GPATCH1: variants seen among roughly 807,000 people sequenced by gnomAD.
GPATCH1 encodes the protein G patch domain-containing protein 1.
In GPATCH1, 73 loss-of-function variants were observed where a neutral mutation model predicts 114.9. That is an observed-to-expected ratio of 0.64 (90% CI 0.53 to 0.77). GPATCH1 has a LOEUF of 0.77. Among genes scored for constraint, GPATCH1 ranks in the 30% least tolerant of loss-of-function variants. GPATCH1 has a pLI of 0.00. For missense variants in GPATCH1, 1,058 were observed against 1,144.3 expected, an observed-to-expected ratio of 0.92 and a Z score of 1.09; for synonymous variants, 391 against 428.4, an observed-to-expected ratio of 0.91 and a Z score of 1.08.
intron 17 of GPATCH1, among the ~76,000 whole-genome samples, chr19:33,124,044 G>A (rs1388461884): frequency 6.6e-6 from 1 of 151,890 alleles, no homozygotes; most frequent in African/African-American, 2.4e-5. Context: ...AATAGAGACA[G>A]GGTTTCACCG....
Position 33,114,243 on chromosome 19 carries a change from T to A in GPATCH1, c.2030-10T>A. 1 of 1,604,788 alleles carries A rather than the reference T, an allele frequency of 6.2e-7. No homozygotes were observed. Among genetic ancestry groups the A allele is most frequent in the Non-Finnish European group, 8.5e-7 (1 of 1,175,166 alleles). On this transcript the variant is annotated splice_polypyrimidine_tract_variant and intron_variant, in intron 14 of 19. Transcript: ENST00000170564. ...AATGCTGGAGTTTATATCTATGTCC[T>A]GCCTTTCAGAATCAAGAAAACCATC...
At chr19:33,095,994 C>T (rs1477649492) in intron 6 of GPATCH1, among the ~76,000 whole-genome samples, 174 bp downstream of exon 6, 1 of 152,214 alleles carries the variant, frequency 6.6e-6, no homozygotes, top group South Asian at 2.1e-4. Flanking sequence ...AACATGCCAG[C>T]ACCACAGATA....
chr19:33,129,789 C>G (rs1973082289), intron 19 of GPATCH1, among the ~76,000 whole-genome samples: 1 of 152,008 alleles, frequency 6.6e-6, no homozygotes, highest in African/African-American at 2.4e-5. Context: ...ACTAAAAATA[C>G]AAAAATTAGC....
intron 19 of GPATCH1, among the ~76,000 whole-genome samples, chr19:33,128,173 T>C (rs1218426650): frequency 1.3e-5 from 2 of 152,010 alleles, no homozygotes; most frequent in Non-Finnish European, 2.9e-5. Context: ...CTGTAAACTC[T>C]GCCTCTCCGG....
At chr19:33,099,911 C>T (rs1943896636) in intron 8 of GPATCH1, among the ~76,000 whole-genome samples, 1 of 151,718 alleles carries the variant, frequency 6.6e-6, no homozygotes, top group South Asian at 2.1e-4. Context: ...GCTGGGATTA[C>T]AGGCGCCTGC....
intron 8 of GPATCH1, 68 bp downstream of exon 8, chr19:33,097,970 G>T (rs1055237598): frequency 1.4e-6 from 2 of 1,411,128 alleles, no homozygotes; most frequent in Non-Finnish European, 2.0e-6. Flanking sequence ...GGGGCTGCAA[G>T]AGCGATACAG....
intron 17 of GPATCH1, among the ~76,000 whole-genome samples, chr19:33,122,598 C>T (rs993037921): frequency 1.3e-5 from 2 of 152,124 alleles, no homozygotes; most frequent in African/African-American, 2.4e-5. Flanking sequence ...GCTGGGATTA[C>T]AGGCGTGAGC....
chr19:33,129,978 G>A, intron 19 of GPATCH1, 152 bp from the exon 20 acceptor site: 2 of 592,388 alleles, frequency 3.4e-6, no homozygotes, highest in Non-Finnish European at 6.0e-6. Context: ...AGATTAGGCA[G>A]TACTTCATTG....
chr19:33,092,225 A>G (rs901143943), intron 3 of GPATCH1, among the ~76,000 whole-genome samples: 2 of 151,266 alleles, frequency 1.3e-5, no homozygotes, highest in South Asian at 4.2e-4. Context: ...TAATTTTTGT[A>G]TTTTTAGTAG....
chr19:33,085,064 G>A (rs1972521685), intron 1 of GPATCH1, among the ~76,000 whole-genome samples: 1 of 152,160 alleles, frequency 6.6e-6, no homozygotes, highest in African/African-American at 2.4e-5. Context: ...GGTGGCTGAT[G>A]TTGCAGACCT....
At chr19:33,111,541 A>C (rs1488055384) in intron 11 of GPATCH1, among the ~76,000 whole-genome samples, 183 bp from the exon 12 acceptor site, 2 of 152,026 alleles carry the variant, frequency 1.3e-5, no homozygotes, top group Non-Finnish European at 2.9e-5. Context: ...TTTTTTAAAA[A>C]AGCACAATTT....
At position 33,126,105 on chromosome 19, in the gene GPATCH1, G is replaced by A. The variant is rs1973037925; in HGVS notation, c.2620-483G>A. On this transcript the variant is annotated intron_variant, in intron 18 of 19. Coordinates refer to ENST00000170564, the MANE Select transcript of GPATCH1 (RefSeq NM_018025.3). ...CGGATGACGGGCGTTCCCTCCTAGT[G>A]AAAGGAAGAAAATGTGTGCCGACCA... Among the ~76,000 whole-genome samples the A allele has an allele frequency of 2.0e-5, 3 of 152,178 alleles. No homozygotes were observed. The South Asian group carries it at 6.2e-4, about 32-fold the overall frequency.
At chr19:33,096,491 G>A (rs531242275) in intron 7 of GPATCH1, 45 bp downstream of exon 7, 3 of 1,484,668 alleles carry the variant, frequency 2.0e-6, no homozygotes, top group African/African-American at 2.8e-5. Flanking sequence ...ATTGATAAAT[G>A]AGTCTACTTT....
At chr19:33,119,180 C>A in intron 17 of GPATCH1, 63 bp downstream of exon 17, 1 of 860,932 alleles carries the variant, frequency 1.2e-6, no homozygotes. Flanking sequence ...GAGATGGGGA[C>A]AGTGTGACTT....
chr19:33,113,891 C>G lies in GPATCH1; in HGVS notation c.2017C>G (p.Arg673Gly), dbSNP rs747439891. Residue 673 changes from arginine to glycine, a missense_variant, in exon 14 of 20, where the codon CGA becomes GGA. This residue lies in a region of GPATCH1 where 893 missense variants were observed against 977.4 expected (regional missense o/e 0.91). Transcript: ENST00000170564. ...QASSEKVSQH[R>G]GPDKSRKPSR... ...ATCAAGTGAAAAAGTATCACAGCAC[C>G]GAGGTCCCGACAGTGAGTAGGGCGT... is the stretch of plus-strand genomic sequence containing the variant. The G allele has an allele frequency of 6.2e-7, 1 of 1,614,034 alleles. No individual in the cohort carries two copies. Among genetic ancestry groups the G allele is most frequent in the Non-Finnish European group, 8.5e-7 (1 of 1,179,940 alleles).
intron 15 of GPATCH1, among the ~76,000 whole-genome samples, chr19:33,115,587 C>T (rs1301944458): frequency 6.6e-6 from 1 of 151,244 alleles, no homozygotes; most frequent in African/African-American, 2.4e-5. Context: ...CTCTGCCTCC[C>T]GGGTTCAAGC....
intron 8 of GPATCH1, among the ~76,000 whole-genome samples, chr19:33,098,302 A>T (rs1486035616): frequency 6.6e-6 from 1 of 152,238 alleles, no homozygotes; most frequent in African/African-American, 2.4e-5. Context: ...GGAGGCAGGT[A>T]CACCAACAGC....
At chr19:33,112,265 C>T (rs150779187) in intron 12 of GPATCH1, among the ~76,000 whole-genome samples, 4 of 152,084 alleles carry the variant, frequency 2.6e-5, no homozygotes, top group Admixed American at 6.6e-5. Flanking sequence ...CATGCCCGGC[C>T]GAGCCAAATA....
At chr19:33,084,817 C>T (rs1215343110) in intron 1 of GPATCH1, among the ~76,000 whole-genome samples, 6 of 152,002 alleles carry the variant, frequency 3.9e-5, no homozygotes, top group African/African-American at 7.3e-5. Context: ...CATGCCACCA[C>T]GCCCGGCTAA....
Sources: gnomAD v4.1 joint callset for allele counts (sites outside exome capture counted in the v4.1 genomes callset) on GRCh38, gnomAD v4.1.1 for gene constraint, gnomAD v4.1.1 regional missense constraint, MANE v1.5 for transcripts, NCBI Gene and HGNC (gene_info 2026-07-23, HGNC 2026-07-21) for gene names.